Variants in NDST3 observed in about 807,000 individuals in gnomAD.
NDST3 encodes the protein N-deacetylase and N-sulfotransferase 3, also known as bifunctional heparan sulfate N-deacetylase/N-sulfotransferase 3.
Under a neutral mutation model 96.1 loss-of-function variants are expected in NDST3, and 58 were observed. The ratio of observed to expected loss-of-function variants is 0.60; its 90% CI spans 0.49 to 0.75. The LOEUF (loss-of-function observed/expected upper bound fraction) is 0.75. Among genes scored for constraint, NDST3 ranks in the 30% least tolerant of loss-of-function variants. The pLI is 0.00. For missense variants in NDST3, 788 were observed against 1,034.2 expected (o/e 0.76, Z 3.27); for synonymous variants, 333 against 359.7 (o/e 0.93, Z 0.84).
intron 6 of NDST3, among the ~76,000 whole-genome samples, chr4:118,201,467 T>A (rs1738081911): frequency 6.6e-6 from 1 of 152,246 alleles, no homozygotes; most frequent in African/African-American, 2.4e-5. Context: ...GGATTTTTAG[T>A]AACAGCCATT....
At chr4:118,177,687 A>T (rs1158118410) in intron 6 of NDST3, among the ~76,000 whole-genome samples, 1 of 151,988 alleles carries the variant, frequency 6.6e-6, no homozygotes, top group Non-Finnish European at 1.5e-5. Flanking sequence ...AGATCATGAT[A>T]AATATTTCAG....
At chr4:118,088,599 T>A in intron 2 of NDST3, among the ~76,000 whole-genome samples, 1 of 152,050 alleles carries the variant, frequency 6.6e-6, no homozygotes, top group South Asian at 2.1e-4. Context: ...CGTTAGCTTT[T>A]ACATAACCCA....
At chr4:118,105,177 T>G in intron 3 of NDST3, 72 bp downstream of exon 3, 4 of 1,090,564 alleles carry the variant, frequency 3.7e-6, no homozygotes, top group Non-Finnish European at 5.6e-6. Flanking sequence ...ACACTTTTCC[T>G]GCCCACACTG....
chr4:118,086,706 G>A (rs1728451931), intron 2 of NDST3, among the ~76,000 whole-genome samples: 2 of 152,104 alleles, frequency 1.3e-5, no homozygotes, highest in African/African-American at 4.8e-5. Context: ...TACTACAAAT[G>A]AGGGAACTCA....
chr4:118,077,571 T>A (rs1047699225), intron 2 of NDST3, among the ~76,000 whole-genome samples: 12 of 152,202 alleles, frequency 7.9e-5, no homozygotes, highest in African/African-American at 2.4e-4. Context: ...TTGGGTGTTC[T>A]GGTCCAGAGA....
upstream of NDST3, chr4:118,033,567 C>G (rs1395194058): frequency 6.6e-6 from 1 of 151,690 alleles, no homozygotes; most frequent in African/African-American, 2.4e-5. Flanking sequence ...CCGGGGCGGG[C>G]GCGCGCGGGC....
chr4:118,042,253 CT>C (rs1724514204), intron 1 of NDST3, among the ~76,000 whole-genome samples: 1 of 152,208 alleles, frequency 6.6e-6, no homozygotes, highest in Non-Finnish European at 1.5e-5. Flanking sequence ...GTCCCCAAGA[CT>C]GCTACCTCCC....
chr4:118,116,196 G>A (rs1034392866), intron 4 of NDST3, among the ~76,000 whole-genome samples: 5 of 152,126 alleles, frequency 3.3e-5, no homozygotes, highest in African/African-American at 7.2e-5. Context: ...CTAGACTGTT[G>A]ATATTGACAA....
chr4:118,096,076 G>C lies in NDST3; in HGVS notation c.982-8942G>C, dbSNP rs79900430. Among the ~76,000 whole-genome samples, 234 of 151,856 alleles carry C rather than the reference G, an allele frequency of 1.5e-3. 2 individuals are homozygous for C. The highest frequency in any genetic ancestry group is 5.5e-3 in the African/African-American group (227 of 41,472). On this transcript the variant is annotated intron_variant, in intron 2 of 13. Coordinates refer to ENST00000296499, the MANE Select transcript of NDST3 (RefSeq NM_004784.3). The stretch of plus-strand genomic sequence containing the variant: ...TCTGAACACTGTGTTTTGTTCTTGT[G>C]GTACATACCTAGAAGAAGAATTGCT...
At chr4:118,069,241 C>A (rs1009558501) in intron 2 of NDST3, among the ~76,000 whole-genome samples, 2 of 151,188 alleles carry the variant, frequency 1.3e-5, no homozygotes, top group African/African-American at 4.8e-5. Flanking sequence ...GGGGAAGGAA[C>A]AGAGAGAGAG....
intron 6 of NDST3, among the ~76,000 whole-genome samples, chr4:118,152,379 C>T (rs1734456562): frequency 6.6e-6 from 1 of 152,166 alleles, no homozygotes; most frequent in Admixed American, 6.5e-5. Context: ...CAGAAAGCTA[C>T]ACATTCAGGA....
intron 2 of NDST3, among the ~76,000 whole-genome samples, chr4:118,089,566 T>G (rs1252028186): frequency 2.0e-5 from 3 of 151,928 alleles, no homozygotes; most frequent in Non-Finnish European, 4.4e-5. Flanking sequence ...GAAGAAATAC[T>G]GAGATTGGTC....
At chr4:118,237,793 T>C (rs1285018672) in intron 10 of NDST3, among the ~76,000 whole-genome samples, 1 of 152,146 alleles carries the variant, frequency 6.6e-6, no homozygotes, top group Non-Finnish European at 1.5e-5. Flanking sequence ...AAGAAACAGC[T>C]TAGTGGCAAA....
chr4:118,053,115 A>G (rs542870668), intron 1 of NDST3, among the ~76,000 whole-genome samples: 1 of 152,130 alleles, frequency 6.6e-6, no homozygotes, highest in Non-Finnish European at 1.5e-5. Context: ...TTTATTCCTC[A>G]TATTCATCTT....
chr4:118,060,868 G>T (rs1725837733), intron 2 of NDST3, among the ~76,000 whole-genome samples: 1 of 152,042 alleles, frequency 6.6e-6, no homozygotes, highest in Admixed American at 6.6e-5. Context: ...TCTGGTTCTA[G>T]ATGTTAATGT....
chr4:118,141,375 T>C, intron 5 of NDST3, among the ~76,000 whole-genome samples: 1 of 152,274 alleles, frequency 6.6e-6, no homozygotes, highest in South Asian at 2.1e-4. Flanking sequence ...CAGTGGAATA[T>C]GACCCTTATC....
At chr4:118,174,893 C>T (rs72913061) in intron 6 of NDST3, among the ~76,000 whole-genome samples, 2,269 of 152,190 alleles carry the variant, frequency 0.015, 55 homozygotes, top group African/African-American at 0.052. Flanking sequence ...TCCACTGTCA[C>T]CTATAATTTT....
At chr4:118,198,156 C>T (rs1737824044) in intron 6 of NDST3, among the ~76,000 whole-genome samples, 1 of 152,086 alleles carries the variant, frequency 6.6e-6, no homozygotes, top group Admixed American at 6.6e-5. Flanking sequence ...TGTCCATTTA[C>T]ATTCAATTTA....
At chr4:118,131,628 A>G (rs1434291312) in intron 4 of NDST3, among the ~76,000 whole-genome samples, 3 of 151,878 alleles carry the variant, frequency 2.0e-5, no homozygotes, top group Non-Finnish European at 4.4e-5. Context: ...TGGTGAGGTC[A>G]TTTTCCTGGA....
Sources: gnomAD v4.1 joint callset for allele counts (sites outside exome capture counted in the v4.1 genomes callset) on GRCh38, gnomAD v4.1.1 for gene constraint, MANE v1.5 for transcripts, NCBI Gene and HGNC (gene_info 2026-07-23, HGNC 2026-07-21) for gene names.